The following MTHFD1L variants were observed in gnomAD, a reference collection of about 807,000 sequenced individuals.
The protein encoded by MTHFD1L is monofunctional C1-tetrahydrofolate synthase, mitochondrial.
MTHFD1L carries 81 observed loss-of-function variants against 119.5 expected under a neutral mutation model. That is an observed-to-expected ratio of 0.68 (90% CI 0.57 to 0.82). MTHFD1L has a LOEUF of 0.82. MTHFD1L is among the 40% of genes least tolerant of loss of function. The pLI is 0.00. For synonymous variants in MTHFD1L, 430 were observed against 475.2 expected (o/e 0.90, Z 1.24); for missense variants, 1,125 against 1,253.4 (o/e 0.90, Z 1.55).
intron 26 of MTHFD1L, among the ~76,000 whole-genome samples, chr6:151,042,894 G>A (rs184804463): frequency 1.8e-4 from 27 of 152,238 alleles, no homozygotes; most frequent in Non-Finnish European, 2.9e-5. Flanking sequence ...TAAATAGGGC[G>A]ATGATAAACT....
intron 11 of MTHFD1L, chr6:150,935,599 G>T: frequency 7.2e-7 from 1 of 1,384,800 alleles, no homozygotes; most frequent in Non-Finnish European, 9.8e-7. Flanking sequence ...TGTGGAGTAG[G>T]TTTTCTCTGG....
intron 7 of MTHFD1L, chr6:150,898,826 A>G: frequency 2.9e-6 from 1 of 345,326 alleles, no homozygotes; most frequent in Admixed American, 4.6e-5. Context: ...AGTATAGGGA[A>G]GATTATTATT....
intron 1 of MTHFD1L, among the ~76,000 whole-genome samples, chr6:150,867,182 T>C (rs9322289): frequency 0.53 from 80,443 of 151,738 alleles, 22,783 homozygotes; most frequent in African/African-American, 0.74. Context: ...ATTTAGTTTT[T>C]CTTGTTCTCT....
intron 26 of MTHFD1L, among the ~76,000 whole-genome samples, chr6:151,040,897 G>A (rs1171269859): frequency 3.3e-5 from 5 of 152,154 alleles, no homozygotes; most frequent in Non-Finnish European, 5.9e-5. Flanking sequence ...CAGGCTGTCC[G>A]CTCCTGACGT....
intron 15 of MTHFD1L, among the ~76,000 whole-genome samples, chr6:150,948,441 T>A (rs186494626): frequency 7.2e-4 from 110 of 152,004 alleles, no homozygotes; most frequent in African/African-American, 2.3e-3. Flanking sequence ...TGCCTCAGCC[T>A]CCCAAGTAGC....
chr6:151,092,629 C>T, intron 27 of MTHFD1L, 42 bp downstream of exon 27: 1 of 1,246,854 alleles, frequency 8.0e-7, no homozygotes, highest in South Asian at 1.3e-5. Flanking sequence ...TTGTTTTTTT[C>T]CAGTTCATAT....
chr6:150,920,734 A>G (rs950888870), intron 9 of MTHFD1L, among the ~76,000 whole-genome samples: 2 of 149,018 alleles, frequency 1.3e-5, no homozygotes, highest in Non-Finnish European at 3.0e-5. Flanking sequence ...AAGTTTATCC[A>G]TGTACATGAT....
At chr6:151,074,513 T>A (rs967148393) in intron 26 of MTHFD1L, among the ~76,000 whole-genome samples, 4 of 152,210 alleles carry the variant, frequency 2.6e-5, no homozygotes, top group African/African-American at 9.6e-5. Context: ...TCTTAGGCTA[T>A]ATGTGAAGTA....
intron 20 of MTHFD1L, among the ~76,000 whole-genome samples, chr6:150,975,252 C>G (rs577194637): frequency 8.5e-5 from 13 of 152,300 alleles, no homozygotes; most frequent in African/African-American, 3.1e-4. Flanking sequence ...CTTATATTCA[C>G]AAATACGTAC....
intron 24 of MTHFD1L, among the ~76,000 whole-genome samples, chr6:151,024,626 G>A (rs1426176356): frequency 2.6e-5 from 4 of 152,052 alleles, no homozygotes; most frequent in Non-Finnish European, 5.9e-5. Flanking sequence ...GTCAGGAGTT[G>A]GAGACCAGCC....
intron 9 of MTHFD1L, among the ~76,000 whole-genome samples, chr6:150,921,892 A>G (rs528196622): frequency 6.6e-6 from 1 of 152,366 alleles, no homozygotes; most frequent in South Asian, 2.1e-4. Flanking sequence ...AGGGAACTAT[A>G]GAATTAAGCT....
intron 26 of MTHFD1L, among the ~76,000 whole-genome samples, chr6:151,084,987 ATATATATAT>A: frequency 1.4e-5 from 1 of 69,186 alleles, no homozygotes; most frequent in African/African-American, 7.1e-5. Context: ...AAAAAAAAAT[ATATATATAT>A]ATATATATGT....
rs115588193 is a variant in MTHFD1L at position 151,038,875 on chromosome 6, C to T, written c.2847+1758C>T. Among the ~76,000 whole-genome samples the T allele has an allele frequency of 8.1e-3, 1,238 of 152,092 alleles. 13 individuals carry two copies. Among genetic ancestry groups the T allele is most frequent in the African/African-American group, 0.027 (1,138 of 41,464 alleles). ...GATGCCATCGGTCATGGAAAGGACA[C>T]GGGAGAAGGCAGATTGGCAGAGCCA... On this transcript the variant is annotated intron_variant, in intron 26 of 27. Transcript: ENST00000367321.
intron 26 of MTHFD1L, among the ~76,000 whole-genome samples, chr6:151,046,448 A>ATG (rs1373826052): frequency 7.0e-6 from 1 of 143,348 alleles, no homozygotes; most frequent in African/African-American, 2.6e-5. Context: ...GGTAATATAT[A>ATG]TATATATATA....
intron 9 of MTHFD1L, among the ~76,000 whole-genome samples, chr6:150,919,195 AG>A (rs1270089787): frequency 6.6e-6 from 1 of 151,344 alleles, no homozygotes; most frequent in African/African-American, 2.4e-5. Context: ...TGGTTAACTT[AG>A]AAAGAAAACA....
chr6:150,960,232 C>T (rs1402114720), intron 17 of MTHFD1L, 43 bp from the exon 18 acceptor site: 2 of 1,570,234 alleles, frequency 1.3e-6, no homozygotes, highest in Non-Finnish European at 1.7e-6. Flanking sequence ...GGCCATCCCA[C>T]TGGCACTGTC....
At chr6:151,082,512 G>C (rs1401179201) in intron 26 of MTHFD1L, among the ~76,000 whole-genome samples, 1 of 151,910 alleles carries the variant, frequency 6.6e-6, no homozygotes, top group African/African-American at 2.4e-5. Context: ...AAAAATTAGG[G>C]AACAATCTCA....
At chr6:150,942,117 G>A (rs1793226668) in intron 13 of MTHFD1L, among the ~76,000 whole-genome samples, 1 of 152,098 alleles carries the variant, frequency 6.6e-6, no homozygotes, top group African/African-American at 2.4e-5. Flanking sequence ...AAAGTAGCTG[G>A]GCGTGGTGGC....
intron 24 of MTHFD1L, among the ~76,000 whole-genome samples, chr6:151,028,264 A>T (rs1200084616): frequency 6.6e-6 from 1 of 152,074 alleles, no homozygotes; most frequent in Non-Finnish European, 1.5e-5. Flanking sequence ...TTCCCAAAAC[A>T]CTTTCCAATA....
Sources: allele counts gnomAD v4.1 joint callset (sites outside exome capture counted in the v4.1 genomes callset), GRCh38; gene constraint gnomAD v4.1.1; transcripts MANE v1.5; gene names NCBI Gene and HGNC (gene_info 2026-07-23, HGNC 2026-07-21).